DEPTOR: variants seen among roughly 807,000 people sequenced by gnomAD.
DEPTOR encodes the protein DEP domain containing MTOR interacting protein.
Under a neutral mutation model 41.6 loss-of-function variants are expected in DEPTOR, and 41 were observed. The ratio of observed to expected loss-of-function variants is 0.98; its 90% CI spans 0.77 to 1.28. The LOEUF (loss-of-function observed/expected upper bound fraction) is 1.28. DEPTOR is among the 50% of genes most tolerant of loss of function. The probability of loss-of-function intolerance (pLI) is 0.00; values close to 1 mark genes in which losing one functional copy is unlikely to be tolerated. For synonymous variants in DEPTOR, 195 were observed against 192.3 expected (o/e 1.01, Z -0.12); for missense variants, 514 against 527.9 (o/e 0.97, Z 0.26).
chr8:120,013,456 C>T (rs1053975803), intron 8 of DEPTOR, among the ~76,000 whole-genome samples: 2 of 152,248 alleles, frequency 1.3e-5, no homozygotes, highest in East Asian at 1.9e-4. Flanking sequence ...ATAATCTATT[C>T]GTAAAGGCTT....
chr8:120,020,101 G>T (rs1812676517), intron 8 of DEPTOR, among the ~76,000 whole-genome samples: 1 of 151,670 alleles, frequency 6.6e-6, no homozygotes, highest in Non-Finnish European at 1.5e-5. Flanking sequence ...TTGTTTGTTT[G>T]TTTTGAGACA....
intron 1 of DEPTOR, among the ~76,000 whole-genome samples, chr8:119,907,556 G>A (rs1266647925): frequency 6.6e-6 from 1 of 152,182 alleles, no homozygotes; most frequent in Non-Finnish European, 1.5e-5. Flanking sequence ...CCAGTGTGGT[G>A]GACTTTGGGA....
At chr8:119,979,231 A>G (rs1828733095) in intron 4 of DEPTOR, among the ~76,000 whole-genome samples, 1 of 152,104 alleles carries the variant, frequency 6.6e-6, no homozygotes, top group African/African-American at 2.4e-5. Context: ...ATTAATTAGT[A>G]TGTTATTTTA....
intron 1 of DEPTOR, among the ~76,000 whole-genome samples, chr8:119,896,624 C>T (rs1410951773): frequency 6.6e-6 from 1 of 152,088 alleles, no homozygotes; most frequent in Non-Finnish European, 1.5e-5. Flanking sequence ...CTTGGCCTCA[C>T]GAGTAGCTGG....
At chr8:120,013,747 AT>A (rs1436803085) in intron 8 of DEPTOR, among the ~76,000 whole-genome samples, 1 of 150,478 alleles carries the variant, frequency 6.6e-6, no homozygotes, top group East Asian at 2.0e-4. Context: ...CAGGGTTCTC[AT>A]TTTCCCCAGG....
chr8:120,008,529 A>AC (rs1812481863), intron 7 of DEPTOR, among the ~76,000 whole-genome samples: 1 of 148,546 alleles, frequency 6.7e-6, no homozygotes, highest in African/African-American at 2.5e-5. Context: ...CTCTGTCTCA[A>AC]AAAAAAAAAA....
At chr8:119,887,658 C>T (rs1474481975) in intron 1 of DEPTOR, among the ~76,000 whole-genome samples, 1 of 150,956 alleles carries the variant, frequency 6.6e-6, no homozygotes, top group East Asian at 2.0e-4. Flanking sequence ...CAACACCACG[C>T]CCAGCTAATT....
chr8:120,047,763 A>G (rs1813173900), intron 8 of DEPTOR, among the ~76,000 whole-genome samples: 1 of 152,132 alleles, frequency 6.6e-6, no homozygotes, highest in African/African-American at 2.4e-5. Flanking sequence ...CTAAATGCTG[A>G]GGCCAAGTGT....
chr8:119,972,200 T>G (rs1284475304), intron 4 of DEPTOR, among the ~76,000 whole-genome samples: 1 of 152,216 alleles, frequency 6.6e-6, no homozygotes, highest in Non-Finnish European at 1.5e-5. Context: ...TCTGATCTAC[T>G]CTAAATAATA....
At chr8:119,952,825 T>C (rs574116703) in intron 3 of DEPTOR, among the ~76,000 whole-genome samples, 4 of 152,284 alleles carry the variant, frequency 2.6e-5, no homozygotes, top group Admixed American at 2.0e-4. Context: ...CAAGGTGAGA[T>C]TGAGTATGTT....
At chr8:119,897,453 A>G (rs1328543090) in intron 1 of DEPTOR, among the ~76,000 whole-genome samples, 2 of 152,196 alleles carry the variant, frequency 1.3e-5, no homozygotes, top group Non-Finnish European at 2.9e-5. Flanking sequence ...GAATCATTTG[A>G]ACCTGGGAGG....
At chr8:119,996,215 A>G (rs1812256757) in intron 4 of DEPTOR, among the ~76,000 whole-genome samples, 1 of 152,196 alleles carries the variant, frequency 6.6e-6, no homozygotes, top group South Asian at 2.1e-4. Context: ...TTGAGGATGA[A>G]TTGAAAATTC....
chr8:119,959,936 TGTACATTC>T (rs1828468722), intron 3 of DEPTOR, among the ~76,000 whole-genome samples: 1 of 151,972 alleles, frequency 6.6e-6, no homozygotes, highest in Non-Finnish European at 1.5e-5. Flanking sequence ...TTAATAAGGG[TGTACATTC>T]ATGGGCCAGG....
chr8:119,956,176 A>C (rs1192310716), intron 3 of DEPTOR, among the ~76,000 whole-genome samples: 3 of 152,232 alleles, frequency 2.0e-5, no homozygotes, highest in African/African-American at 7.2e-5. Context: ...AGCTTGTCAT[A>C]TGGCAAAAAT....
chr8:119,899,840 G>T (rs1298368775), intron 1 of DEPTOR, among the ~76,000 whole-genome samples: 1 of 152,122 alleles, frequency 6.6e-6, no homozygotes, highest in African/African-American at 2.4e-5. Flanking sequence ...CAGTTATACA[G>T]TTATGTTTTT....
chr8:119,992,910 G>A (rs965640519), intron 4 of DEPTOR, among the ~76,000 whole-genome samples: 2 of 152,038 alleles, frequency 1.3e-5, no homozygotes, highest in African/African-American at 4.8e-5. Flanking sequence ...ACCTGCCTCG[G>A]CCTCCCAAAG....
intron 8 of DEPTOR, among the ~76,000 whole-genome samples, chr8:120,014,297 C>T (rs1812576264): frequency 6.6e-6 from 1 of 152,030 alleles, no homozygotes; most frequent in African/African-American, 2.4e-5. Flanking sequence ...ATATCCAGGG[C>T]TTTTGGTTTC....
intron 2 of DEPTOR, 102 bp from the exon 3 acceptor site, chr8:119,929,713 G>A: frequency 6.9e-7 from 1 of 1,454,266 alleles, no homozygotes; most frequent in Middle Eastern, 1.8e-4. Context: ...CATGAAGAAT[G>A]TGATAGTGAA....
intron 3 of DEPTOR, among the ~76,000 whole-genome samples, chr8:119,962,910 G>A (rs922688986): frequency 6.6e-6 from 1 of 152,060 alleles, no homozygotes; most frequent in Non-Finnish European, 1.5e-5. Flanking sequence ...GAAGAGAGAG[G>A]GGCCAAGGAC....
Sources: gnomAD v4.1 joint callset for allele counts (sites outside exome capture counted in the v4.1 genomes callset) on GRCh38, gnomAD v4.1.1 for gene constraint, MANE v1.5 for transcripts, NCBI Gene and HGNC (gene_info 2026-07-23, HGNC 2026-07-21) for gene names.